NBAS: variants seen among roughly 807,000 people sequenced by gnomAD.
The protein encoded by NBAS is NAG/BC035112 fusion.
NBAS carries 219 observed loss-of-function variants against 302.5 expected under a neutral mutation model. The ratio of observed to expected loss-of-function variants is 0.72; its 90% CI spans 0.65 to 0.81. The LOEUF (loss-of-function observed/expected upper bound fraction) is 0.81, where lower values mean the gene tolerates loss of function less well. NBAS is among the 30% of genes least tolerant of loss of function. The pLI is 0.00. For synonymous variants in NBAS, 1,118 were observed against 1,021.6 expected, an observed-to-expected ratio of 1.09 and a Z score of -1.80; for missense variants, 2,932 against 2,841.6, an observed-to-expected ratio of 1.03 and a Z score of -0.72.
At chr2:14,861,688 A>T in the NBAS span, among the ~76,000 whole-genome samples, 4 of 152,200 alleles carry the variant, frequency 2.6e-5, no homozygotes, top group African/African-American at 9.7e-5. Flanking sequence ...GTTGGGCTTA[A>T]AATTTTATAT....
At chr2:14,985,132 G>A in the NBAS span, among the ~76,000 whole-genome samples, 1 of 152,224 alleles carries the variant, frequency 6.6e-6, no homozygotes, top group Non-Finnish European at 1.5e-5. Flanking sequence ...ACAGTGACGG[G>A]CTGGGAAGGC....
At chr2:15,142,535 C>T in the NBAS span, among the ~76,000 whole-genome samples, 9 of 152,214 alleles carry the variant, frequency 5.9e-5, no homozygotes, top group African/African-American at 9.6e-5. Flanking sequence ...TTTGAGGGAA[C>T]GCTCCCCTTG....
At chr2:15,325,793 C>T (rs1031987749) in intron 38 of NBAS, among the ~76,000 whole-genome samples, 3 of 152,200 alleles carry the variant, frequency 2.0e-5, no homozygotes, top group Admixed American at 2.0e-4. Context: ...ACTTGGCTAA[C>T]TATTTGGGGC....
At chr2:15,486,963 T>C (rs906139955) in intron 12 of NBAS, among the ~76,000 whole-genome samples, 6 of 150,948 alleles carry the variant, frequency 4.0e-5, no homozygotes, top group Non-Finnish European at 8.8e-5. Flanking sequence ...CAAAAGCGCA[T>C]ACTAATCAAT....
At chr2:15,008,215 G>A in the NBAS span, among the ~76,000 whole-genome samples, 7 of 152,316 alleles carry the variant, frequency 4.6e-5, no homozygotes, top group South Asian at 2.1e-4. Context: ...TGAAGAGTCC[G>A]CATAGGGCCT....
chr2:15,500,747 C>T (rs1661489043), intron 11 of NBAS, among the ~76,000 whole-genome samples: 2 of 148,666 alleles, frequency 1.3e-5, no homozygotes, highest in Admixed American at 1.4e-4. Flanking sequence ...ACGGTGAAAC[C>T]CTGTCTCTAC....
At chr2:15,153,280 T>C in the NBAS span, among the ~76,000 whole-genome samples, 3 of 152,222 alleles carry the variant, frequency 2.0e-5, no homozygotes, top group African/African-American at 4.8e-5. Flanking sequence ...GCAGATACAA[T>C]ACATTTTTTA....
chr2:15,140,500 T>C, the NBAS span, among the ~76,000 whole-genome samples: 4 of 152,262 alleles, frequency 2.6e-5, no homozygotes, highest in Non-Finnish European at 5.9e-5. Context: ...ACATAGTTCT[T>C]ATGCTTCTCA....
chr2:15,455,134 C>T (rs1032206494), intron 21 of NBAS, among the ~76,000 whole-genome samples: 8 of 152,094 alleles, frequency 5.3e-5, no homozygotes, highest in African/African-American at 1.7e-4. Flanking sequence ...AACTCCTGAC[C>T]TCAGGTGATC....
chr2:15,112,438 G>A, the NBAS span, among the ~76,000 whole-genome samples: 75 of 152,084 alleles, frequency 4.9e-4, 1 homozygote, highest in African/African-American at 1.8e-3. Flanking sequence ...TCCAACATAC[G>A]TATAATGGGA....
At chr2:15,507,141 A>G (rs1347069886) in intron 10 of NBAS, among the ~76,000 whole-genome samples, 1 of 152,230 alleles carries the variant, frequency 6.6e-6, no homozygotes, top group Non-Finnish European at 1.5e-5. Flanking sequence ...AAAATTCCTG[A>G]TGTAAGATGA....
intron 6 of NBAS, among the ~76,000 whole-genome samples, chr2:15,545,012 C>CA (rs61193434): frequency 0.51 from 75,189 of 146,972 alleles, 22,016 homozygotes; most frequent in Non-Finnish European, 0.67. Context: ...CTCTGGCTGG[C>CA]AAAAAAAAAA....
chr2:14,826,531 C>A, the NBAS span, among the ~76,000 whole-genome samples: 1,131 of 152,290 alleles, frequency 7.4e-3, 13 homozygotes, highest in South Asian at 0.018. Flanking sequence ...TGGCTAAATT[C>A]CAAGCCATGC....
chr2:15,332,445 A>C (rs1289726017), intron 35 of NBAS, among the ~76,000 whole-genome samples: 1 of 152,208 alleles, frequency 6.6e-6, no homozygotes, highest in Non-Finnish European at 1.5e-5. Flanking sequence ...CTAAAGGGAA[A>C]ACATATGTAA....
At chr2:14,961,970 T>C in the NBAS span, among the ~76,000 whole-genome samples, 1 of 151,994 alleles carries the variant, frequency 6.6e-6, no homozygotes, top group African/African-American at 2.4e-5. Flanking sequence ...TTAGGGGAGA[T>C]GGGGTGTCAG....
chr2:15,232,523 G>T lies in NBAS; in HGVS notation c.6147-12C>A. ...CAGCACTGCCACCACTGTGAAAAGA[G>T]AGATAAACTGATTCAGAAAAGGATC... On this transcript the variant is annotated splice_polypyrimidine_tract_variant and intron_variant, in intron 46 of 51. Coordinates refer to ENST00000281513, the MANE Select transcript of NBAS (RefSeq NM_015909.4). The T allele has an allele frequency of 6.2e-7, 1 of 1,608,530 alleles. No homozygotes were observed. The highest frequency in any genetic ancestry group is 1.1e-5 in the South Asian group (1 of 90,942).
intron 24 of NBAS, 41 bp downstream of exon 24, chr2:15,417,486 T>G: frequency 6.5e-7 from 1 of 1,535,766 alleles, no homozygotes. Flanking sequence ...GCATAGAAAA[T>G]GCTTTAAAAT....
chr2:15,277,185 A>T, intron 42 of NBAS, 84 bp from the exon 43 acceptor site: 1 of 1,508,274 alleles, frequency 6.6e-7, no homozygotes, highest in South Asian at 1.2e-5. Flanking sequence ...AAGAAACACT[A>T]CTTCTTATAG....
chr2:14,833,780 C>T, the NBAS span, among the ~76,000 whole-genome samples: 21 of 151,978 alleles, frequency 1.4e-4, no homozygotes, highest in Admixed American at 5.2e-4. Context: ...AACTGACCCC[C>T]GAGACTGTTT....
Sources: gnomAD v4.1 joint callset for allele counts (sites outside exome capture counted in the v4.1 genomes callset) on GRCh38, gnomAD v4.1.1 for gene constraint, MANE v1.5 for transcripts, NCBI Gene and HGNC (gene_info 2026-07-23, HGNC 2026-07-21) for gene names.